TPMT: variants seen among roughly 807,000 people sequenced by gnomAD.
TPMT encodes the protein thiopurine S-methyltransferase.
TPMT carries 18 observed loss-of-function variants against 34.2 expected under a neutral mutation model. The observed-to-expected ratio is 0.53, with a 90% CI of 0.36 to 0.78. The LOEUF (loss-of-function observed/expected upper bound fraction) is 0.78. Ranked by LOEUF, TPMT falls within the 30% of genes least tolerant of loss-of-function variation. TPMT has a pLI of 0.00. For synonymous variants in TPMT, 69 were observed against 92.4 expected, an observed-to-expected ratio of 0.75 and a Z score of 1.45; for missense variants, 265 against 288.1, an observed-to-expected ratio of 0.92 and a Z score of 0.58.
At position 18,145,957 on chromosome 6, in the gene TPMT, A is replaced by G. The variant is rs1784239254; in HGVS notation, c.233+1866T>C. On this transcript the variant is annotated intron_variant, in intron 3 of 8. Coordinates refer to ENST00000309983, the MANE Select transcript of TPMT (RefSeq NM_000367.5). The surrounding 1 kb of genome is among the most constrained non-coding windows in gnomAD (Gnocchi z 5.6). Reference sequence around the variant, plus strand: ...GCCACTGCACTCCACCCTGGGTGACAGAGTGGGACTGTCTCAAAAAACCAA... The same window carrying G: ...GCCACTGCACTCCACCCTGGGTGACGGAGTGGGACTGTCTCAAAAAACCAA... Among the ~76,000 whole-genome samples the G allele has an allele frequency of 6.6e-6, 1 of 152,216 alleles. No individual in the cohort carries two copies. Among genetic ancestry groups the G allele is most frequent in the South Asian group, 2.1e-4 (1 of 4,832 alleles).
chr6:18,134,975 C>T (rs1784017434), intron 6 of TPMT, among the ~76,000 whole-genome samples: 1 of 152,202 alleles, frequency 6.6e-6, no homozygotes, highest in Non-Finnish European at 1.5e-5. Flanking sequence ...TGATCTATGT[C>T]CAGAGGTCTG....
In TPMT at chr6:18,138,059, C is replaced by T. The variant is rs142716330; in HGVS notation, c.494+904G>A. 2.6e-3 allele frequency among the ~76,000 whole-genome samples: 389 copies of T among 152,204 alleles called. No homozygotes were observed. The highest frequency in any genetic ancestry group is 8.3e-3 in the African/African-American group (345 of 41,552). On this transcript the variant is annotated intron_variant, in intron 6 of 8. Transcript: ENST00000309983. This position sits in a 1 kb window ranked among gnomAD's most constrained non-coding sequence, Gnocchi z 4.1. ...CCTCCCAAAGTGCTAGGATTACAGG[C>T]GTGAGCCACCACACCCGGCCACAAG...
chr6:18,152,422 A>G (rs569255259), intron 1 of TPMT, among the ~76,000 whole-genome samples: 3 of 152,300 alleles, frequency 2.0e-5, no homozygotes, highest in East Asian at 3.9e-4. Flanking sequence ...TCAATATCCT[A>G]TCTCTACTCC....
rs1783885441 is a variant in TPMT, at chr6:18,129,089, CAA to C, written c.*1577_*1578del. 1 of 152,170 alleles carries C rather than the reference CAA, an allele frequency of 6.6e-6. No homozygotes were observed. Among genetic ancestry groups the C allele is most frequent in the African/African-American group, 2.4e-5 (1 of 41,428 alleles). The allele number at this position is 152,170 out of a possible 1,614,324, so 9.4% of individuals were successfully genotyped here. On this transcript the variant is annotated 3_prime_UTR_variant, in exon 9 of 9. Coordinates refer to ENST00000309983, the MANE Select transcript of TPMT (RefSeq NM_000367.5). ...CCCTGTCTCTACATAAAAGTAAAAT[CAA>C]AAGTCTCTGGAGAGAATTGTGTTGG...
chr6:18,139,756 CT>C lies in TPMT; in HGVS notation c.367-40del. ...ATGAAAAAAAAATTTTTTTTTTTTA[CT>C]TAGTAAGTACTTGAATAGTCAAGGA... On this transcript the variant is annotated intron_variant, in intron 4 of 8. Coordinates refer to ENST00000309983, the MANE Select transcript of TPMT (RefSeq NM_000367.5). The surrounding 1 kb of genome is among the most constrained non-coding windows in gnomAD (Gnocchi z 4.2). 1 of 1,393,284 alleles carries C rather than the reference CT, an allele frequency of 7.2e-7. No individual in the cohort carries two copies. Among genetic ancestry groups the C allele is most frequent in the Non-Finnish European group, 1.0e-6 (1 of 993,042 alleles). The allele number at this position is 1,393,284 out of a possible 1,614,324, so 86.3% of individuals were successfully genotyped here.
At position 18,148,960 on chromosome 6, in the gene TPMT, T is replaced by C; in HGVS notation, c.140+28A>G. On this transcript the variant is annotated intron_variant, in intron 2 of 8. Transcript: ENST00000309983. The surrounding 1 kb of genome is among the most constrained non-coding windows in gnomAD (Gnocchi z 4.1). Reference sequence around the variant, plus strand: ...CAAAGTCACTTTTTGATAGAACATTTCTCTATTGTATACCAAATATTTCTT... The same window carrying C: ...CAAAGTCACTTTTTGATAGAACATTCCTCTATTGTATACCAAATATTTCTT... 3.1e-6 allele frequency: 5 copies of C among 1,612,456 alleles called. No homozygotes were observed. The highest frequency in any genetic ancestry group is 4.2e-6 in the Non-Finnish European group (5 of 1,179,840).
At position 18,139,618 on chromosome 6, in the gene TPMT, G is replaced by A. The variant is rs1423082997; in HGVS notation, c.419+47C>T. On this transcript the variant is annotated intron_variant, in intron 5 of 8. Transcript: ENST00000309983. The surrounding 1 kb of genome is among the most constrained non-coding windows in gnomAD (Gnocchi z 4.2). The stretch of plus-strand genomic sequence containing the variant: ...CTCCACTCCCATGCCTGCACTGCCT[G>A]GCAAGCATTCAAATTTTTTAAAGTG... 6.7e-7 allele frequency: 1 copy of A among 1,490,078 alleles called. No individual in the cohort carries two copies. Among genetic ancestry groups the A allele is most frequent in the Non-Finnish European group, 9.4e-7 (1 of 1,067,996 alleles). 92.3% of individuals were successfully genotyped at this position (1,490,078 alleles called of 1,614,324 possible).
At position 18,136,797 on chromosome 6, in the gene TPMT, C is replaced by T. The variant is rs753800576; in HGVS notation, c.494+2166G>A. 4.6e-5 allele frequency among the ~76,000 whole-genome samples: 7 copies of T among 151,698 alleles called. No individual in the cohort carries two copies. Among genetic ancestry groups the T allele is most frequent in the African/African-American group, 7.3e-5 (3 of 41,184 alleles). On this transcript the variant is annotated intron_variant, in intron 6 of 8. Transcript: ENST00000309983. The surrounding 1 kb of genome is among the most constrained non-coding windows in gnomAD (Gnocchi z 4.7). ...TGCACTCCAGCCTGGGCAACAAGAG[C>T]GAAACTCTGTCTCGAAAAAAAAGAT... is the stretch of plus-strand genomic sequence containing the variant.
Position 18,148,618 on chromosome 6 carries a change from G to A in TPMT, c.140+370C>T, listed in dbSNP as rs1356367702. On this transcript the variant is annotated intron_variant, in intron 2 of 8. Coordinates refer to ENST00000309983, the MANE Select transcript of TPMT (RefSeq NM_000367.5). This position sits in a 1 kb window ranked among gnomAD's most constrained non-coding sequence, Gnocchi z 4.1. Reference sequence around the variant, plus strand: ...TTTAACATCTGAACACATCCTATTGGAAAGCAAAGTCAGACACCACTGATT... The same window carrying A: ...TTTAACATCTGAACACATCCTATTGAAAAGCAAAGTCAGACACCACTGATT... Among the ~76,000 whole-genome samples, 1 of 152,150 alleles carries A rather than the reference G, an allele frequency of 6.6e-6. No individual in the cohort carries two copies. Among genetic ancestry groups the A allele is most frequent in the Non-Finnish European group, 1.5e-5 (1 of 68,036 alleles).
At chr6:18,141,339 ATTTT>A (rs531739139) in intron 4 of TPMT, among the ~76,000 whole-genome samples, 1 of 137,954 alleles carries the variant, frequency 7.2e-6, no homozygotes, top group Non-Finnish European at 1.6e-5. Context: ...CTGAGCAACA[ATTTT>A]TTTTTTTTTT....
Position 18,130,816 on chromosome 6 carries a change from G to T in TPMT, c.626-36C>A. The stretch of plus-strand genomic sequence containing the variant: ...AAAGAGTAACATGTTAAAATACTAT[G>T]AAGAATGACATCAGGGATTCTTTTA... On this transcript the variant is annotated intron_variant, in intron 8 of 8. Transcript: ENST00000309983. The surrounding 1 kb of genome is among the most constrained non-coding windows in gnomAD (Gnocchi z 4.2). The T allele has an allele frequency of 6.5e-7, 1 of 1,527,972 alleles. No individual in the cohort carries two copies. Among genetic ancestry groups the T allele is most frequent in the Non-Finnish European group, 9.1e-7 (1 of 1,102,470 alleles). 94.7% of individuals were successfully genotyped at this position (1,527,972 alleles called of 1,614,324 possible).
intron 4 of TPMT, among the ~76,000 whole-genome samples, chr6:18,141,027 G>C (rs928112707): frequency 6.6e-6 from 1 of 152,162 alleles, no homozygotes; most frequent in Non-Finnish European, 1.5e-5. Context: ...AGAACAGCTG[G>C]ATCTCAACTT....
chr6:18,139,592 C>T lies in TPMT; in HGVS notation c.419+73G>A. On this transcript the variant is annotated intron_variant, in intron 5 of 8. Transcript: ENST00000309983. The surrounding 1 kb of genome is among the most constrained non-coding windows in gnomAD (Gnocchi z 4.2). ...CAGGAGGAAGAGAGTGAGGAAGACA[C>T]CTCCACTCCCATGCCTGCACTGCCT... is the stretch of plus-strand genomic sequence containing the variant. The T allele has an allele frequency of 8.3e-7, 1 of 1,209,012 alleles. No homozygotes were observed. The highest frequency in any genetic ancestry group is 1.2e-6 in the Non-Finnish European group (1 of 814,698). The allele number at this position is 1,209,012 out of a possible 1,614,324, so 74.9% of individuals were successfully genotyped here.
intron 1 of TPMT, among the ~76,000 whole-genome samples, chr6:18,151,119 C>T (rs1784346165): frequency 6.6e-6 from 1 of 150,770 alleles, no homozygotes; most frequent in Non-Finnish European, 1.5e-5. Flanking sequence ...TTTTCTATAT[C>T]TTCATGTTTT....
At chr6:18,151,666 C>A (rs1582050185) in intron 1 of TPMT, among the ~76,000 whole-genome samples, 1 of 151,702 alleles carries the variant, frequency 6.6e-6, no homozygotes, top group Non-Finnish European at 1.5e-5. Context: ...TGCAGTGGCA[C>A]AATACAGCCT....
rs3930696 is a variant in TPMT at position 18,149,295 on chromosome 6, C to T, written c.-44-124G>A. 0.54 allele frequency: 499,536 copies of T among 924,802 alleles called. 137,086 individuals are homozygous for T. Among genetic ancestry groups the T allele is most frequent in the African/African-American group, 0.69 (41,505 of 59,764 alleles). The allele number at this position is 924,802 out of a possible 1,614,324, so 57.3% of individuals were successfully genotyped here. The stretch of plus-strand genomic sequence containing the variant: ...AAAATATTTCTTTCTTTTTTTATTT[C>T]TGGTTTTATTTTTGAGATGGAGTCT... On this transcript the variant is annotated intron_variant, in intron 1 of 8. Transcript: ENST00000309983. This position sits in a 1 kb window ranked among gnomAD's most constrained non-coding sequence, Gnocchi z 5.0.
intron 3 of TPMT, among the ~76,000 whole-genome samples, chr6:18,144,036 T>C (rs1040591067): frequency 5.9e-5 from 9 of 152,218 alleles, no homozygotes; most frequent in African/African-American, 1.2e-4. Flanking sequence ...TAATACAAAT[T>C]GATTTGACTA....
intron 7 of TPMT, 136 bp downstream of exon 7, chr6:18,133,668 A>G: frequency 2.9e-6 from 2 of 686,722 alleles, no homozygotes; most frequent in East Asian, 5.5e-5. Context: ...TCAAAACTGG[A>G]ATTATCTCCA....
At chr6:18,151,777 T>C (rs557351516) in intron 1 of TPMT, among the ~76,000 whole-genome samples, 1 of 152,136 alleles carries the variant, frequency 6.6e-6, no homozygotes, top group East Asian at 1.9e-4. Context: ...AATTTCCTTG[T>C]GGTAGTCAGA....
Sources: allele counts gnomAD v4.1 joint callset (sites outside exome capture counted in the v4.1 genomes callset), GRCh38; gene constraint gnomAD v4.1.1; non-coding constraint Gnocchi (gnomAD v3.1); transcripts MANE v1.5; gene names NCBI Gene and HGNC (gene_info 2026-07-23, HGNC 2026-07-21).